Variants in RPS6KC1 observed in about 807,000 individuals in gnomAD.
RPS6KC1 encodes the protein ribosomal protein S6 kinase C1.
Under a neutral mutation model 103.8 loss-of-function variants are expected in RPS6KC1, and 54 were observed. The observed-to-expected ratio is 0.52, with a 90% CI of 0.42 to 0.65. RPS6KC1 has a LOEUF of 0.65. RPS6KC1 is among the 30% of genes least tolerant of loss of function. RPS6KC1 has a pLI of 0.00. For missense variants in RPS6KC1, 1,151 were observed against 1,253.8 expected (o/e 0.92, Z 1.24); for synonymous variants, 439 against 438.7 (o/e 1.00, Z -0.01).
chr1:213,340,512 A>C, the RPS6KC1 span, among the ~76,000 whole-genome samples: 2 of 152,240 alleles, frequency 1.3e-5, no homozygotes, highest in Non-Finnish European at 2.9e-5. Flanking sequence ...ACAGTTAATT[A>C]GGGAGCTACT....
the RPS6KC1 span, among the ~76,000 whole-genome samples, chr1:213,554,740 G>GA: frequency 3.9e-5 from 6 of 152,002 alleles, no homozygotes; most frequent in African/African-American, 1.5e-4. Context: ...TATAAGTACA[G>GA]AAAAAATTTC....
the RPS6KC1 span, among the ~76,000 whole-genome samples, chr1:213,743,424 T>C: frequency 3.9e-5 from 6 of 152,168 alleles, no homozygotes; most frequent in Non-Finnish European, 8.8e-5. Context: ...AAAAACTACT[T>C]ATTGGGTACT....
At chr1:213,323,806 T>C in the RPS6KC1 span, among the ~76,000 whole-genome samples, 34 of 152,350 alleles carry the variant, frequency 2.2e-4, no homozygotes, top group South Asian at 2.1e-4. Flanking sequence ...GTCTCCTCTA[T>C]TATCAATATC....
intron 6 of RPS6KC1, among the ~76,000 whole-genome samples, chr1:213,143,778 T>A (rs2087374926): frequency 6.6e-6 from 1 of 151,878 alleles, no homozygotes; most frequent in African/African-American, 2.4e-5. Flanking sequence ...AGGTTAGAAA[T>A]CTGACGTGAA....
At chr1:213,288,047 C>T in the RPS6KC1 span, among the ~76,000 whole-genome samples, 2 of 152,160 alleles carry the variant, frequency 1.3e-5, no homozygotes, top group Non-Finnish European at 2.9e-5. Context: ...AGCTTTGAAG[C>T]CAGGAGGTTG....
At chr1:213,126,476 A>C (rs917448624) in intron 5 of RPS6KC1, among the ~76,000 whole-genome samples, 12 of 152,260 alleles carry the variant, frequency 7.9e-5, no homozygotes, top group African/African-American at 2.9e-4. Flanking sequence ...AGGGTGCCAA[A>C]GCAGCATCTA....
intron 8 of RPS6KC1, among the ~76,000 whole-genome samples, chr1:213,211,138 C>T (rs2093492897): frequency 6.6e-6 from 1 of 152,180 alleles, no homozygotes; most frequent in Admixed American, 6.5e-5. Flanking sequence ...ATAGACTATA[C>T]TTTTAATTGA....
At chr1:213,429,483 T>C in the RPS6KC1 span, among the ~76,000 whole-genome samples, 1 of 152,140 alleles carries the variant, frequency 6.6e-6, no homozygotes, top group South Asian at 2.1e-4. Context: ...AACAATTGTT[T>C]TTGAAATTGC....
the RPS6KC1 span, among the ~76,000 whole-genome samples, chr1:213,474,351 AGG>A: frequency 6.6e-6 from 1 of 151,470 alleles, no homozygotes; most frequent in Non-Finnish European, 1.5e-5. Context: ...CTGGTTTCTG[AGG>A]GTGGACACAA....
the RPS6KC1 span, among the ~76,000 whole-genome samples, chr1:213,419,753 G>T: frequency 6.6e-6 from 1 of 152,184 alleles, no homozygotes; most frequent in Non-Finnish European, 1.5e-5. Flanking sequence ...GGCTGGCTTT[G>T]TGGAATGCTG....
the RPS6KC1 span, among the ~76,000 whole-genome samples, chr1:213,712,369 C>T: frequency 6.6e-6 from 1 of 152,172 alleles, no homozygotes; most frequent in African/African-American, 2.4e-5. Context: ...CTCCCCTCAC[C>T]AAGCTCAAGT....
chr1:213,497,664 G>A, the RPS6KC1 span, among the ~76,000 whole-genome samples: 1 of 152,054 alleles, frequency 6.6e-6, no homozygotes, highest in Non-Finnish European at 1.5e-5. Flanking sequence ...CAAGAAAGTA[G>A]AGTTAATGAA....
the RPS6KC1 span, among the ~76,000 whole-genome samples, chr1:213,735,324 G>A: frequency 2.6e-5 from 4 of 152,202 alleles, no homozygotes; most frequent in African/African-American, 9.7e-5. Flanking sequence ...CAAGTCAATT[G>A]CCTGGGGATG....
chr1:213,719,494 A>G, the RPS6KC1 span, among the ~76,000 whole-genome samples: 2 of 152,242 alleles, frequency 1.3e-5, no homozygotes, highest in Non-Finnish European at 2.9e-5. Context: ...GTGCATATAT[A>G]TAAAACACTG....
chr1:213,573,733 C>T, the RPS6KC1 span, among the ~76,000 whole-genome samples: 15 of 152,112 alleles, frequency 9.9e-5, no homozygotes, highest in African/African-American at 3.4e-4. Flanking sequence ...ACGGTGGTGC[C>T]CTTTGAAGGG....
chr1:213,849,143 G>A, the RPS6KC1 span, among the ~76,000 whole-genome samples: 12,468 of 152,236 alleles, frequency 0.082, 607 homozygotes, highest in African/African-American at 0.12. Context: ...CTTCTGAGCT[G>A]TGTTTCCCAA....
At chr1:213,581,987 A>G in the RPS6KC1 span, among the ~76,000 whole-genome samples, 1 of 151,528 alleles carries the variant, frequency 6.6e-6, no homozygotes, top group Non-Finnish European at 1.5e-5. Context: ...GACCCACAGC[A>G]TTTTGTACCT....
At chr1:213,495,790 T>G in the RPS6KC1 span, among the ~76,000 whole-genome samples, 1 of 152,178 alleles carries the variant, frequency 6.6e-6, no homozygotes, top group Non-Finnish European at 1.5e-5. Context: ...AACTCCAAAA[T>G]TAAGGAATAA....
chr1:213,566,439 T>G, the RPS6KC1 span, among the ~76,000 whole-genome samples: 2 of 16,794 alleles, frequency 1.2e-4, no homozygotes, highest in African/African-American at 3.6e-4. Flanking sequence ...AGCCTTTAGT[T>G]TTTTTTTTTT....
Sources: gnomAD v4.1 joint callset for allele counts (sites outside exome capture counted in the v4.1 genomes callset) on GRCh38, gnomAD v4.1.1 for gene constraint, MANE v1.5 for transcripts, NCBI Gene and HGNC (gene_info 2026-07-23, HGNC 2026-07-21) for gene names.